The following SLC5A10 variants were observed in gnomAD, a reference collection of about 807,000 sequenced individuals.
SLC5A10 encodes the protein sodium/mannose cotransporter SLC5A10.
SLC5A10 carries 55 observed loss-of-function variants against 68.9 expected under a neutral mutation model. That is an observed-to-expected ratio of 0.80 (90% confidence interval 0.64 to 1.00). SLC5A10 has a LOEUF of 1.00. Ranked by LOEUF, SLC5A10 falls within the 50% of genes least tolerant of loss-of-function variation. The pLI, the probability that SLC5A10 is intolerant of heterozygous loss-of-function variation, is 0.00. For synonymous variants in SLC5A10, 344 were observed against 344.8 expected (o/e 1.00, Z 0.02); for missense variants, 732 against 819.3 (o/e 0.89, Z 1.30).
chr17:18,968,476 G>A lies in SLC5A10; in HGVS notation c.454-576G>A, dbSNP rs1454730515. Among the ~76,000 whole-genome samples the A allele has an allele frequency of 1.3e-5, 2 of 152,220 alleles. No homozygotes were observed. Among genetic ancestry groups the A allele is most frequent in the Non-Finnish European group, 2.9e-5 (2 of 68,038 alleles). The stretch of plus-strand genomic sequence containing the variant: ...TTAGGAGGAGCAGCCACAGGTTCTG[G>A]GAGGGCAGGGGCTGTGTCCAGTCAG... On this transcript the variant is annotated intron_variant, in intron 5 of 14. Coordinates refer to ENST00000395645, the MANE Select transcript of SLC5A10 (RefSeq NM_001042450.4). The surrounding 1 kb of genome is among the most constrained non-coding windows in gnomAD (Gnocchi z 4.1).
In SLC5A10 at chr17:19,003,577, T is replaced by G; in HGVS notation, c.983-9833T>G. 1 of 1,593,822 alleles carries G rather than the reference T, an allele frequency of 6.3e-7. No homozygotes were observed. The highest frequency in any genetic ancestry group is 8.5e-7 in the Non-Finnish European group (1 of 1,170,076). On this transcript the variant is annotated intron_variant, in intron 9 of 14. Coordinates refer to ENST00000395645, the MANE Select transcript of SLC5A10 (RefSeq NM_001042450.4). This position sits in a 1 kb window ranked among gnomAD's most constrained non-coding sequence, Gnocchi z 4.5. ...CCTCTTTGATGTGGGCCTGCCCGTC[T>G]ATGGGGGGCTGCATGTAGACGCTAG... is the stretch of plus-strand genomic sequence containing the variant.
chr17:18,988,223 C>G (rs1028976525), intron 9 of SLC5A10: 3 of 1,600,544 alleles, frequency 1.9e-6, no homozygotes, highest in Non-Finnish European at 2.6e-6. Context: ...TCCAGCCACC[C>G]AGGCAAGTGA....
At position 19,004,255 on chromosome 17, in the gene SLC5A10, G is replaced by A; in HGVS notation, c.983-9155G>A. ...GGCGGGGGCGGGGCCGGGAACTCAG[G>A]TGGGCGTGGGAAGGACGGGGCTGGG... On this transcript the variant is annotated intron_variant, in intron 9 of 14. Transcript: ENST00000395645. The surrounding 1 kb of genome is among the most constrained non-coding windows in gnomAD (Gnocchi z 5.4). 5.6e-6 allele frequency: 3 copies of A among 535,218 alleles called. No homozygotes were observed. In the East Asian group the frequency reaches 1.0e-4, roughly 18 times the overall value. 33.2% of individuals were successfully genotyped at this position (535,218 alleles called of 1,614,324 possible).
Position 18,996,100 on chromosome 17 carries a change from A to T in SLC5A10, c.983-17310A>T, listed in dbSNP as rs1462020937. ...CTTCTCATCAGAATCACTGCAAGCC[A>T]CAAGACAACAGGCAATATCTTTAAA... On this transcript the variant is annotated intron_variant, in intron 9 of 14. Transcript: ENST00000395645. The surrounding 1 kb of genome is among the most constrained non-coding windows in gnomAD (Gnocchi z 4.4). Among the ~76,000 whole-genome samples, 1 of 151,964 alleles carries T rather than the reference A, an allele frequency of 6.6e-6. No individual in the cohort carries two copies. Among genetic ancestry groups the T allele is most frequent in the East Asian group, 1.9e-4 (1 of 5,186 alleles).
rs747059088 is a variant in SLC5A10, at chr17:19,003,958, G to A, written c.983-9452G>A. ...CCTCCAGCGCCAGCCGCTGCTCCTC[G>A]CTGTAGAAGAACTCAGGCTTGGACT... On this transcript the variant is annotated intron_variant, in intron 9 of 14. Coordinates refer to ENST00000395645, the MANE Select transcript of SLC5A10 (RefSeq NM_001042450.4). The surrounding 1 kb of genome is among the most constrained non-coding windows in gnomAD (Gnocchi z 4.5). 6.8e-6 allele frequency: 11 copies of A among 1,612,774 alleles called. No individual in the cohort carries two copies. In the African/African-American group the frequency reaches 1.3e-4, roughly 20 times the overall value.
intron 9 of SLC5A10, among the ~76,000 whole-genome samples, chr17:18,979,943 G>GA (rs1755207921): frequency 6.6e-6 from 1 of 152,200 alleles, no homozygotes; most frequent in African/African-American, 2.4e-5. Context: ...GGCCCTAAAG[G>GA]TGTCTGAAGA....
In SLC5A10 at chr17:18,968,785, C is replaced by G. The variant is rs1339744995; in HGVS notation, c.454-267C>G. The G allele has an allele frequency of 2.0e-6, 1 of 494,426 alleles. No homozygotes were observed. Among genetic ancestry groups the G allele is most frequent in the Non-Finnish European group, 3.6e-6 (1 of 278,540 alleles). 30.6% of individuals were successfully genotyped at this position (494,426 alleles called of 1,614,324 possible). A position where few individuals can be genotyped will look rare whatever the true frequency, so the allele number is the denominator to read the frequency against. On this transcript the variant is annotated intron_variant, in intron 5 of 14. Transcript: ENST00000395645. The surrounding 1 kb of genome is among the most constrained non-coding windows in gnomAD (Gnocchi z 4.1). ...GAAGGGGCCAGATTCAATAACAACA[C>G]TGCTTTTGGGAAAGGCATTGGCCAC...
Position 18,967,876 on chromosome 17 carries a change from A to AC in SLC5A10, c.454-1170dup, listed in dbSNP as rs2042743410. On this transcript the variant is annotated intron_variant, in intron 5 of 14. Coordinates refer to ENST00000395645, the MANE Select transcript of SLC5A10 (RefSeq NM_001042450.4). ...TGGGCTGGAGGCAGATCCCGCCCCC[A>AC]CCCCCCACCACACCTTCCCCTGAAC... is the stretch of plus-strand genomic sequence containing the variant. Among the ~76,000 whole-genome samples the AC allele has an allele frequency of 1.7e-4, 13 of 76,488 alleles. No homozygotes were observed. The South Asian group carries it at 6.0e-3, about 35-fold the overall frequency. 50.2% of individuals were successfully genotyped at this position (76,488 alleles called of 152,430 possible). A position where few individuals can be genotyped will look rare whatever the true frequency, so the allele number is the denominator to read the frequency against.
intron 9 of SLC5A10, among the ~76,000 whole-genome samples, chr17:18,994,069 C>T (rs566857175): frequency 2.6e-5 from 4 of 152,178 alleles, no homozygotes; most frequent in Non-Finnish European, 5.9e-5. Flanking sequence ...CTGTAAGTGA[C>T]GCATCAGGGC....
intron 9 of SLC5A10, among the ~76,000 whole-genome samples, chr17:18,990,281 C>G (rs776539386): frequency 4.6e-5 from 7 of 152,152 alleles, no homozygotes; most frequent in Non-Finnish European, 1.0e-4. Flanking sequence ...AGAGAAGACA[C>G]GATGCAGGCA....
At chr17:18,990,109 G>A (rs2043376597) in intron 9 of SLC5A10, among the ~76,000 whole-genome samples, 2 of 152,170 alleles carry the variant, frequency 1.3e-5, no homozygotes, top group African/African-American at 2.4e-5. Flanking sequence ...CAGGGTCTAC[G>A]ACTCGCAGGG....
At chr17:18,979,497 T>A in intron 9 of SLC5A10, 1 of 1,602,706 alleles carries the variant, frequency 6.2e-7, no homozygotes, top group Non-Finnish European at 8.5e-7. Context: ...CAGAAGCCAG[T>A]TGGGAGCCAG....
At chr17:18,985,542 G>A (rs1365633439) in intron 9 of SLC5A10, among the ~76,000 whole-genome samples, 1 of 152,144 alleles carries the variant, frequency 6.6e-6, no homozygotes, top group Non-Finnish European at 1.5e-5. Flanking sequence ...AGTGCTCCCG[G>A]GACAGGTCTG....
chr17:18,960,679 C>T (rs1348064903), intron 5 of SLC5A10, 27 bp downstream of exon 5: 1 of 1,602,138 alleles, frequency 6.2e-7, no homozygotes, highest in African/African-American at 1.3e-5. Flanking sequence ...TCCCTGCTGG[C>T]ATAGCCTGGA....
intron 2 of SLC5A10, 136 bp from the exon 3 acceptor site, chr17:18,958,999 C>T (rs1224104489): frequency 2.3e-6 from 2 of 861,620 alleles, no homozygotes; most frequent in East Asian, 2.7e-5. Flanking sequence ...GTAGAACACA[C>T]ACCCTGGGCT....
rs140682043 is a variant in SLC5A10 at position 18,971,116 on chromosome 17, C to T, written c.744C>T (p.Asp248=). Residue 248 remains aspartate (D), a synonymous_variant, in exon 8 of 15, where the codon GAC becomes GAT. Transcript: ENST00000395645. This position sits in a 1 kb window ranked among gnomAD's most constrained non-coding sequence, Gnocchi z 5.5. ...ANTTCHLPRT[D]AMHMFRDPHT... is the part of the protein sequence containing the mutation. ...CCACCTGCCACCTGCCACGTACAGA[C>T]GCCATGCACATGTTTCGAGACCCCC... The T allele has an allele frequency of 9.0e-5, 146 of 1,614,108 alleles. 1 individual carries two copies. In the Middle Eastern group the frequency reaches 9.9e-4, roughly 11 times the overall value.
At position 18,976,833 on chromosome 17, in the gene SLC5A10, C is replaced by T. The variant is rs747253351; in HGVS notation, c.847-21C>T. The T allele has an allele frequency of 6.2e-6, 10 of 1,611,764 alleles. No individual in the cohort carries two copies. The South Asian group carries it at 8.8e-5, about 14-fold the overall frequency. On this transcript the variant is annotated intron_variant, in intron 8 of 14. Transcript: ENST00000395645. Reference sequence around the variant, plus strand: ...GTGTCCCTCAGGCTTGGACTCACCCCGTCTCGCACTCCACCCCCAGGTCAT... The same window carrying T: ...GTGTCCCTCAGGCTTGGACTCACCCTGTCTCGCACTCCACCCCCAGGTCAT...
rs201532181 is a variant in SLC5A10, at chr17:18,966,766, AC to A, written c.454-2285del. Among the ~76,000 whole-genome samples, 71 of 150,998 alleles carry A rather than the reference AC, an allele frequency of 4.7e-4. 4 individuals are homozygous for A. Among genetic ancestry groups the A allele is most frequent in the African/African-American group, 1.0e-3 (43 of 41,106 alleles). On this transcript the variant is annotated intron_variant, in intron 5 of 14. Coordinates refer to ENST00000395645, the MANE Select transcript of SLC5A10 (RefSeq NM_001042450.4). ...CTCCGTCTCAAAAAAAAAAAAAAAA[AC>A]AACACTCTGCGGTTGCTCCTGGGTC...
upstream of SLC5A10, among the ~76,000 whole-genome samples, chr17:18,951,374 T>G (rs1445312415): frequency 6.6e-6 from 1 of 152,276 alleles, no homozygotes; most frequent in Non-Finnish European, 1.5e-5. Context: ...GCCATTTCCT[T>G]GACTAGGATG....
Sources: allele counts gnomAD v4.1 joint callset (sites outside exome capture counted in the v4.1 genomes callset), GRCh38; gene constraint gnomAD v4.1.1; non-coding constraint Gnocchi (gnomAD v3.1); transcripts MANE v1.5; gene names NCBI Gene and HGNC (gene_info 2026-07-23, HGNC 2026-07-21).